MAP7D2: variants seen among roughly 807,000 people sequenced by gnomAD.
MAP7D2 encodes MAP7 domain-containing protein 2.
Under a neutral mutation model 63.5 loss-of-function variants are expected in MAP7D2, and 33 were observed. That is an observed-to-expected ratio of 0.52 (90% confidence interval 0.39 to 0.70). MAP7D2 has a LOEUF of 0.70. Ranked by LOEUF, MAP7D2 falls within the 30% of genes least tolerant of loss-of-function variation. MAP7D2 has a pLI of 0.00. For synonymous variants in MAP7D2, 224 were observed against 223.7 expected (o/e 1.00, Z -0.01); for missense variants, 626 against 604.0 (o/e 1.04, Z -0.38).
At chrX:20,069,150 C>T (rs1411717590) in intron 1 of MAP7D2, among the ~76,000 whole-genome samples, 1 of 111,904 alleles carries the variant, frequency 8.9e-6, no homozygotes, top group Non-Finnish European at 1.9e-5. Context: ...AAATGTCTAA[C>T]TTTCCTACCC....
chrX:20,057,622 G>A (rs193228764), intron 3 of MAP7D2, among the ~76,000 whole-genome samples: 43 of 111,935 alleles, frequency 3.8e-4, no homozygotes, highest in African/African-American at 1.4e-3. Context: ...CACCACCTCC[G>A]TGACACTGCA....
chrX:20,066,959 T>C (rs2065376846), intron 1 of MAP7D2, among the ~76,000 whole-genome samples: 1 of 112,530 alleles, frequency 8.9e-6, no homozygotes, highest in Non-Finnish European at 1.9e-5. Flanking sequence ...GGTGTGAAGT[T>C]AGTGGAAGGG....
In MAP7D2 at chrX:20,016,171, G is replaced by A. The variant is rs776431196; in HGVS notation, c.1567C>T (p.Arg523Trp). The A allele has an allele frequency of 1.8e-5, 21 of 1,196,215 alleles. No homozygotes were observed. The highest frequency in any genetic ancestry group is 8.8e-5 in the African/African-American group (5 of 56,686). ...EKRKAGEEAK[R>W]KAEEELLLKE... is the part of the protein sequence containing the mutation. ...AACAACAGCTCCTCCTCAGCCTTCCGCTTGGCCTCCTCGCCTGCCTTTCTT... is the reference window on the plus strand; with the variant it reads ...AACAACAGCTCCTCCTCAGCCTTCCACTTGGCCTCCTCGCCTGCCTTTCTT... Residue 523 changes from arginine (R) to tryptophan (W), a missense_variant, in exon 11 of 17, where the codon CGG becomes TGG. Physicochemically the swap from Arg to Trp is moderately radical, Grantham distance 101. Coordinates refer to ENST00000379643, the MANE Select transcript of MAP7D2 (RefSeq NM_001168465.2).
intron 1 of MAP7D2, among the ~76,000 whole-genome samples, chrX:20,094,977 G>A (rs925171799): frequency 4.6e-5 from 5 of 109,080 alleles, no homozygotes; most frequent in African/African-American, 1.7e-4. Flanking sequence ...TGACTAGGCC[G>A]GGCACAGTAG....
chrX:20,018,822 A>C (rs1052220488), intron 10 of MAP7D2, among the ~76,000 whole-genome samples: 4 of 110,778 alleles, frequency 3.6e-5, no homozygotes, highest in Non-Finnish European at 5.7e-5. Flanking sequence ...AACAAAACAA[A>C]CAACCCTGGC....
intron 11 of MAP7D2, 72 bp from the exon 12 acceptor site, chrX:20,015,399 G>T: frequency 1.2e-6 from 1 of 867,083 alleles, no homozygotes; most frequent in Non-Finnish European, 1.7e-6. Flanking sequence ...CCCTGGCTTT[G>T]CACATGTTCC....
intron 8 of MAP7D2, among the ~76,000 whole-genome samples, chrX:20,027,980 C>G (rs527968218): frequency 2.7e-5 from 3 of 110,761 alleles, no homozygotes; most frequent in African/African-American, 9.8e-5. Context: ...CTCATGTGTT[C>G]TGACACAGTC....
intron 4 of MAP7D2, 129 bp from the exon 5 acceptor site, chrX:20,053,117 C>T (rs2064991816): frequency 2.1e-6 from 1 of 472,552 alleles, no homozygotes; most frequent in Non-Finnish European, 3.7e-6. Context: ...GCATGCTCTG[C>T]TTTCATCATC....
At chrX:20,029,062 T>C (rs1193267860) in intron 8 of MAP7D2, among the ~76,000 whole-genome samples, 1 of 112,234 alleles carries the variant, frequency 8.9e-6, no homozygotes, top group Non-Finnish European at 1.9e-5. Flanking sequence ...ACCCTGCCTG[T>C]TCTTGTTCTC....
chrX:20,083,013 T>C (rs1372595373), intron 1 of MAP7D2, among the ~76,000 whole-genome samples: 1 of 112,048 alleles, frequency 8.9e-6, no homozygotes, highest in Admixed American at 9.5e-5. Context: ...GTTGGCCTTT[T>C]AAACAGCCTC....
At chrX:20,097,918 G>A (rs1350363495) in intron 1 of MAP7D2, among the ~76,000 whole-genome samples, 1 of 111,278 alleles carries the variant, frequency 9.0e-6, no homozygotes, top group Non-Finnish European at 1.9e-5. Context: ...TTTCATTTAT[G>A]GTACTTATCA....
intron 16 of MAP7D2, among the ~76,000 whole-genome samples, chrX:20,010,378 T>C (rs989155883): frequency 8.9e-6 from 1 of 111,915 alleles, no homozygotes; most frequent in African/African-American, 3.3e-5. Context: ...TATGAATGAT[T>C]CTAGATAGAA....
chrX:20,011,111 A>G, intron 15 of MAP7D2, 59 bp from the exon 16 acceptor site: 1 of 1,084,013 alleles, frequency 9.2e-7, no homozygotes, highest in Admixed American at 2.6e-5. Context: ...AACATGGCAC[A>G]ATATATTAAT....
chrX:20,055,775 G>C, intron 4 of MAP7D2: 1 of 997,461 alleles, frequency 1.0e-6, no homozygotes. Context: ...CCCTGCATCC[G>C]GAGGGAGGGT....
intron 10 of MAP7D2, chrX:20,021,427 A>G (rs1569515237): frequency 8.9e-6 from 1 of 112,488 alleles, no homozygotes; most frequent in Admixed American, 9.4e-5. Flanking sequence ...AACTGTAAAC[A>G]TAAAACAGAT....
At chrX:20,060,415 AAAGAGAG>A (rs1352042592) in intron 3 of MAP7D2, among the ~76,000 whole-genome samples, 1 of 75,059 alleles carries the variant, frequency 1.3e-5, no homozygotes, top group Non-Finnish European at 2.4e-5. Flanking sequence ...AAAGAAAAGA[AAAGAGAG>A]AGAGAGAGAG....
intron 1 of MAP7D2, among the ~76,000 whole-genome samples, chrX:20,092,415 G>C (rs758279749): frequency 9.0e-6 from 1 of 111,330 alleles, no homozygotes; most frequent in Non-Finnish European, 1.9e-5. Flanking sequence ...CTAAAGTCCA[G>C]ACCCACCAAA....
intron 1 of MAP7D2, among the ~76,000 whole-genome samples, chrX:20,090,972 CA>C (rs1472092570): frequency 5.6e-5 from 5 of 89,101 alleles, no homozygotes; most frequent in Admixed American, 1.3e-4. Context: ...TCATCTTAGA[CA>C]AAAAAAAAAG....
At chrX:20,094,492 A>G (rs1245233495) in intron 1 of MAP7D2, among the ~76,000 whole-genome samples, 5 of 13,730 alleles carry the variant, frequency 3.6e-4, no homozygotes, top group Admixed American at 1.3e-3. Context: ...ACATACATAT[A>G]TATATATATA....
Sources: gnomAD v4.1 joint callset for allele counts (sites outside exome capture counted in the v4.1 genomes callset) on GRCh38, gnomAD v4.1.1 for gene constraint, MANE v1.5 for transcripts, NCBI Gene and HGNC (gene_info 2026-07-23, HGNC 2026-07-21) for gene names.